Variants in WDFY1 observed in about 807,000 individuals in gnomAD.
WDFY1 encodes WD repeat and FYVE domain-containing protein 1.
In WDFY1, 32 loss-of-function variants were observed where a neutral mutation model predicts 56.4. The observed-to-expected ratio is 0.57, with a 90% confidence interval of 0.43 to 0.76. The LOEUF (loss-of-function observed/expected upper bound fraction) is 0.76. WDFY1 is among the 30% of genes least tolerant of loss of function. The pLI is 0.00. For missense variants in WDFY1, 480 were observed against 545.7 expected, an observed-to-expected ratio of 0.88 and a Z score of 1.20; for synonymous variants, 192 against 197.3, an observed-to-expected ratio of 0.97 and a Z score of 0.23.
chr2:223,926,204 T>C (rs577748890), intron 1 of WDFY1, among the ~76,000 whole-genome samples: 37 of 152,258 alleles, frequency 2.4e-4, no homozygotes, highest in Admixed American at 5.9e-4. Flanking sequence ...TGGAGTGCAG[T>C]AGCACAATCA....
intron 8 of WDFY1, among the ~76,000 whole-genome samples, chr2:223,887,757 T>C (rs1317787322): frequency 7.2e-5 from 11 of 152,216 alleles, no homozygotes; most frequent in Admixed American, 7.2e-4. Flanking sequence ...TCTATTTTTC[T>C]TGAGTTAAAA....
chr2:223,895,555 A>G lies in WDFY1; in HGVS notation c.674T>C (p.Met225Thr), dbSNP rs777497054. Residue 225 changes from methionine to threonine, a missense_variant, in exon 7 of 12, where the codon ATG becomes ACG. Transcript: ENST00000233055. ...GCCTTTCCTTCCTCCGATGTCCCAC[A>G]TGATGATGCTGTTGTCAGATGCTCC... Reference protein sequence around the residue: ...FSGASDNSIIMWDIGGRKGRT... With the variant: ...FSGASDNSIITWDIGGRKGRT... The G allele has an allele frequency of 1.9e-6, 3 of 1,614,042 alleles. No homozygotes were observed. The highest frequency in any genetic ancestry group is 1.3e-5 in the African/African-American group (1 of 75,040).
chr2:223,899,355 T>G, intron 5 of WDFY1: 1 of 287,046 alleles, frequency 3.5e-6, no homozygotes, highest in Non-Finnish European at 6.6e-6. Context: ...TCAAGCAAGA[T>G]CCCAGGAACT....
At chr2:223,904,027 C>A (rs1443344485) in intron 4 of WDFY1, among the ~76,000 whole-genome samples, 1 of 152,178 alleles carries the variant, frequency 6.6e-6, no homozygotes, top group East Asian at 1.9e-4. Flanking sequence ...AGGTATATAC[C>A]TCATAAAGGA....
At chr2:223,932,868 G>GAAAA (rs71727456) in intron 1 of WDFY1, among the ~76,000 whole-genome samples, 4 of 145,514 alleles carry the variant, frequency 2.7e-5, no homozygotes, top group Non-Finnish European at 3.0e-5. Flanking sequence ...GGGGATACAG[G>GAAAA]AAAAAAAAAA....
In WDFY1 at chr2:223,895,517, G is replaced by C. The variant is rs1419441606; in HGVS notation, c.712C>G (p.Leu238Val). The C allele has an allele frequency of 6.2e-7, 1 of 1,613,978 alleles. No individual in the cohort carries two copies. The highest frequency in any genetic ancestry group is 8.5e-7 in the Non-Finnish European group (1 of 1,179,926). Residue 238 changes from leucine (L) to valine (V), a missense_variant, in exon 7 of 12, where the codon CTT becomes GTT. By Grantham distance (32) the Leu-to-Val change is conservative. Coordinates refer to ENST00000233055, the MANE Select transcript of WDFY1 (RefSeq NM_020830.5). The stretch of plus-strand genomic sequence containing the variant: ...GTGGTCACGCACTGATGGCCCTGAA[G>C]TAACAGCGTCCGGCCTTTCCTTCCT... ...IGGRKGRTLLLQGHHDKVQSL... is the reference protein window; with the variant it reads ...IGGRKGRTLLVQGHHDKVQSL...
At chr2:223,892,518 G>A (rs935163470) in intron 8 of WDFY1, among the ~76,000 whole-genome samples, 1 of 151,980 alleles carries the variant, frequency 6.6e-6, no homozygotes, top group Admixed American at 6.6e-5. Flanking sequence ...CACATTTCTT[G>A]TGGGCAAGTA....
At chr2:223,901,158 A>G (rs766324628) in intron 5 of WDFY1, 25 bp downstream of exon 5, 22 of 1,601,340 alleles carry the variant, frequency 1.4e-5, no homozygotes. Context: ...CAGGGGAAGG[A>G]GAGGTCCGTG....
chr2:223,907,679 T>C (rs985389140), intron 3 of WDFY1, among the ~76,000 whole-genome samples: 1 of 152,188 alleles, frequency 6.6e-6, no homozygotes, highest in African/African-American at 2.4e-5. Flanking sequence ...CACATGATGA[T>C]ATTCCTATAA....
intron 4 of WDFY1, among the ~76,000 whole-genome samples, chr2:223,903,641 G>T (rs74971412): frequency 0.025 from 810 of 32,640 alleles, 10 homozygotes; most frequent in African/African-American, 0.055. Flanking sequence ...ACACACACAC[G>T]TTTTTTGTTT....
chr2:223,884,998 C>T (rs1693148519), intron 8 of WDFY1, among the ~76,000 whole-genome samples: 1 of 151,432 alleles, frequency 6.6e-6, no homozygotes, highest in African/African-American at 2.4e-5. Context: ...TGCACTACCA[C>T]TCCAGGCTAA....
rs1553535378 is a variant in WDFY1, at chr2:223,884,859, CTTTTTTTT to C, written c.832-118_832-111del. The C allele has an allele frequency of 1.6e-5, 11 of 689,716 alleles. No homozygotes were observed. The East Asian group carries it at 2.9e-4, about 18-fold the overall frequency. 42.7% of individuals were successfully genotyped at this position (689,716 alleles called of 1,614,324 possible). ...TGCCAAGGTTAGTATTTCTTTTCTTCTTTTTTTTTTTTTTTTGGTCTCCCAGGCTGGAG... is the reference window on the plus strand; with the variant it reads ...TGCCAAGGTTAGTATTTCTTTTCTTCTTTTTTTTGGTCTCCCAGGCTGGAG... On this transcript the variant is annotated intron_variant, in intron 8 of 11. Coordinates refer to ENST00000233055, the MANE Select transcript of WDFY1 (RefSeq NM_020830.5).
At chr2:223,941,686 A>G (rs1212758556) in intron 1 of WDFY1, among the ~76,000 whole-genome samples, 1 of 151,598 alleles carries the variant, frequency 6.6e-6, no homozygotes. Flanking sequence ...TGGGCCCCAC[A>G]CACGTGCTGG....
rs1015937512 is a variant in WDFY1 at position 223,939,328 on chromosome 2, G to A, written c.137+5820C>T. 7.2e-5 allele frequency among the ~76,000 whole-genome samples: 11 copies of A among 152,192 alleles called. No individual in the cohort carries two copies. In the East Asian group the frequency reaches 1.5e-3, roughly 21 times the overall value. On this transcript the variant is annotated intron_variant, in intron 1 of 11. Transcript: ENST00000233055. Reference sequence around the variant, plus strand: ...AGATAAGTACATGAAGCCCGGACTGGGGTTTCTCAATATCAGCACTATTGA... The same window carrying A: ...AGATAAGTACATGAAGCCCGGACTGAGGTTTCTCAATATCAGCACTATTGA...
intron 1 of WDFY1, among the ~76,000 whole-genome samples, chr2:223,925,718 T>C (rs1303288074): frequency 6.6e-6 from 1 of 152,258 alleles, no homozygotes; most frequent in African/African-American, 2.4e-5. Context: ...CTGCTGCTCC[T>C]CCATCACCTA....
In WDFY1 at chr2:223,894,181, C is replaced by T. The variant is rs980354551; in HGVS notation, c.831+53G>A. On this transcript the variant is annotated intron_variant, in intron 8 of 11. Coordinates refer to ENST00000233055, the MANE Select transcript of WDFY1 (RefSeq NM_020830.5). ...TGCGGGGTGAAAAGCCAAGAAGAAG[C>T]CAGGTTCCTGGGGGTCTCCCCCGAT... 96 of 1,591,784 alleles carry T rather than the reference C, an allele frequency of 6.0e-5. No individual in the cohort carries two copies. In the South Asian group the frequency reaches 6.7e-4, roughly 11 times the overall value.
rs536397029 is a variant in WDFY1 at position 223,917,324 on chromosome 2, C to T, written c.205+619G>A. ...CCTTTTTTAGTGTTGATATCGGCTACCATAAAGGACAAAGTTACTACTAAT... is the reference window on the plus strand; with the variant it reads ...CCTTTTTTAGTGTTGATATCGGCTATCATAAAGGACAAAGTTACTACTAAT... On this transcript the variant is annotated intron_variant, in intron 2 of 11. Coordinates refer to ENST00000233055, the MANE Select transcript of WDFY1 (RefSeq NM_020830.5). 1.8e-3 allele frequency among the ~76,000 whole-genome samples: 271 copies of T among 151,886 alleles called. 1 individual carries two copies. The highest frequency in any genetic ancestry group is 0.01 in the Middle Eastern group (3 of 294).
rs546150283 is a variant in WDFY1, at chr2:223,942,473, C to G, written c.137+2675G>C. On this transcript the variant is annotated intron_variant, in intron 1 of 11. Coordinates refer to ENST00000233055, the MANE Select transcript of WDFY1 (RefSeq NM_020830.5). ...GACCTTGTTATCCACCCGCCTCGGC[C>G]TCCCAAAGTGCTGGGATTACAGGCA... Among the ~76,000 whole-genome samples, 12 of 150,624 alleles carry G rather than the reference C, an allele frequency of 8.0e-5. No homozygotes were observed. The South Asian group carries it at 2.5e-3, about 32-fold the overall frequency.
At chr2:223,884,051 T>C (rs1693128275) in intron 9 of WDFY1, among the ~76,000 whole-genome samples, 1 of 152,062 alleles carries the variant, frequency 6.6e-6, no homozygotes, top group Admixed American at 6.5e-5. Flanking sequence ...CCTGCTTTTT[T>C]TTTTTTTTGT....
Sources: gnomAD v4.1 joint callset for allele counts (sites outside exome capture counted in the v4.1 genomes callset) on GRCh38, gnomAD v4.1.1 for gene constraint, MANE v1.5 for transcripts, NCBI Gene and HGNC (gene_info 2026-07-23, HGNC 2026-07-21) for gene names.